Variants in EGLN1 observed in about 807,000 individuals in gnomAD.
EGLN1 encodes the protein egl-9 family hypoxia inducible factor 1.
A neutral mutation model predicts 38.3 loss-of-function variants in EGLN1; 17 were observed. That is an observed-to-expected ratio of 0.44 (90% CI 0.30 to 0.67). The LOEUF (loss-of-function observed/expected upper bound fraction) is 0.67, where lower values mean the gene tolerates loss of function less well. Among genes scored for constraint, EGLN1 ranks in the 30% least tolerant of loss-of-function variants. The pLI is 0.08. For missense variants in EGLN1, 477 were observed against 603.3 expected (o/e 0.79, Z 2.19); for synonymous variants, 283 against 257.5 (o/e 1.10, Z -0.95).
intron 1 of EGLN1, among the ~76,000 whole-genome samples, chr1:231,380,464 G>GTGTATA (rs145664309): frequency 8.6e-5 from 13 of 151,342 alleles, no homozygotes; most frequent in Admixed American, 2.0e-4. Context: ...TAAATGATAG[G>GTGTATA]TATATATATA....
Position 231,421,276 on chromosome 1 carries a change from G to A in EGLN1, c.613C>T (p.His205Tyr). The A allele has an allele frequency of 1.9e-6, 3 of 1,613,506 alleles. No homozygotes were observed. The highest frequency in any genetic ancestry group is 2.5e-6 in the Non-Finnish European group (3 of 1,179,984). ...LEYIVPCMNK[H>Y]GICVVDDFLG... is the part of the protein sequence containing the mutation. Reference sequence around the variant, plus strand: ...AAGTCGTCCACCACACAGATGCCGTGCTTGTTCATGCACGGCACGATGTAC... The same window carrying A: ...AAGTCGTCCACCACACAGATGCCGTACTTGTTCATGCACGGCACGATGTAC... Residue 205 changes from histidine (H) to tyrosine (Y), a missense_variant, in exon 1 of 5, where the codon CAC (histidine) becomes TAC (tyrosine). This residue lies in a region of EGLN1 where 119 missense variants were observed against 179.0 expected (regional missense o/e 0.66). Transcript: ENST00000366641. The surrounding 1 kb of genome is among the most constrained non-coding windows in gnomAD (Gnocchi z 5.5).
At chr1:231,413,894 C>A (rs1184906058) in intron 1 of EGLN1, among the ~76,000 whole-genome samples, 1 of 151,740 alleles carries the variant, frequency 6.6e-6, no homozygotes, top group African/African-American at 2.4e-5. Flanking sequence ...TTATGGGGAT[C>A]TCAAGTCAAC....
chr1:231,409,201 T>C (rs1276373562), intron 1 of EGLN1, among the ~76,000 whole-genome samples: 1 of 149,320 alleles, frequency 6.7e-6, no homozygotes, highest in African/African-American at 2.5e-5. Flanking sequence ...TCAATAGACT[T>C]AACTCCAACT....
chr1:231,384,661 C>T (rs1489152500), intron 1 of EGLN1, among the ~76,000 whole-genome samples: 1 of 152,054 alleles, frequency 6.6e-6, no homozygotes, highest in African/African-American at 2.4e-5. Context: ...GGGTTGGGGA[C>T]GCACATCATG....
chr1:231,395,028 T>G (rs1219424103), intron 1 of EGLN1, among the ~76,000 whole-genome samples: 1 of 152,176 alleles, frequency 6.6e-6, no homozygotes, highest in Non-Finnish European at 1.5e-5. Flanking sequence ...GAGTGGGGAA[T>G]AACGTTCTTC....
intron 1 of EGLN1, among the ~76,000 whole-genome samples, chr1:231,399,951 AAAG>A (rs1688623348): frequency 6.6e-6 from 1 of 152,206 alleles, no homozygotes; most frequent in Non-Finnish European, 1.5e-5. Flanking sequence ...CACATGTCAT[AAAG>A]AAGTTAACAA....
Position 231,422,140 on chromosome 1 carries a change from T to G in EGLN1, c.-252A>C. On this transcript the variant is annotated 5_prime_UTR_variant, in exon 1 of 5. Transcript: ENST00000366641. ...CGCCGAGGGCTGAGAGAATAGGGCC[T>G]GTGCGGCGAATGGCAACCTGGGCTC... The G allele has an allele frequency of 3.2e-6, 1 of 312,302 alleles. No homozygotes were observed. The allele number at this position is 312,302 out of a possible 1,614,324, so 19.3% of individuals were successfully genotyped here.
intron 1 of EGLN1, among the ~76,000 whole-genome samples, chr1:231,379,585 T>C (rs1172023436): frequency 1.3e-5 from 2 of 152,202 alleles, no homozygotes; most frequent in Non-Finnish European, 2.9e-5. Flanking sequence ...AAGCACGAGA[T>C]GGGAGCCAGC....
chr1:231,374,911 A>T (rs1269046987), intron 1 of EGLN1, among the ~76,000 whole-genome samples: 1 of 152,218 alleles, frequency 6.6e-6, no homozygotes, highest in East Asian at 1.9e-4. Flanking sequence ...GCTTAAAGGT[A>T]GAAAAGAGGC....
chr1:231,414,690 T>C (rs1190253532), intron 1 of EGLN1, among the ~76,000 whole-genome samples: 3 of 150,608 alleles, frequency 2.0e-5, no homozygotes, highest in Admixed American at 6.6e-5. Flanking sequence ...TTCTCAAAAA[T>C]GGCAGAGGCC....
chr1:231,391,799 T>TA (rs2102916430), intron 1 of EGLN1, among the ~76,000 whole-genome samples: 1 of 152,208 alleles, frequency 6.6e-6, no homozygotes, highest in African/African-American at 2.4e-5. Flanking sequence ...AAATACTAGA[T>TA]AAGATTTTGA....
chr1:231,378,458 G>C (rs1688008201), intron 1 of EGLN1, among the ~76,000 whole-genome samples: 3 of 151,896 alleles, frequency 2.0e-5, no homozygotes. Context: ...TATGATTAAG[G>C]ATGTTCTTTT....
intron 1 of EGLN1, among the ~76,000 whole-genome samples, chr1:231,397,773 A>G (rs1479194464): frequency 6.6e-6 from 1 of 152,238 alleles, no homozygotes; most frequent in Non-Finnish European, 1.5e-5. Flanking sequence ...GCACATAAGG[A>G]AAGTGTCCAC....
intron 1 of EGLN1, among the ~76,000 whole-genome samples, chr1:231,407,553 G>A (rs780345499): frequency 9.2e-5 from 14 of 152,134 alleles, no homozygotes; most frequent in Non-Finnish European, 1.5e-4. Flanking sequence ...TTATAAAAAG[G>A]GTATATAAAG....
chr1:231,391,918 G>A (rs1220474276), intron 1 of EGLN1, among the ~76,000 whole-genome samples: 1 of 152,060 alleles, frequency 6.6e-6, no homozygotes, highest in African/African-American at 2.4e-5. Flanking sequence ...TTCAAGTATG[G>A]TATAAGAAGT....
At position 231,421,359 on chromosome 1, in the gene EGLN1, C is replaced by T. The variant is rs1157366692; in HGVS notation, c.530G>A (p.Gly177Asp). ...CGTCTGCCCGTTGGGCCGCAGGCCG[C>T]CGCCGGGGCTCAGCGCATCCCCGGG... The part of the protein sequence containing the change: ...NTPGDALSPG[G>D]GLRPNGQTKP... Residue 177 changes from glycine to aspartate, a missense_variant, in exon 1 of 5, where the codon GGC (glycine) becomes GAC (aspartate). This residue lies in a region of EGLN1 where 298 missense variants were observed against 288.9 expected (regional missense o/e 1.03). Coordinates refer to ENST00000366641, the MANE Select transcript of EGLN1 (RefSeq NM_022051.3). This position sits in a 1 kb window ranked among gnomAD's most constrained non-coding sequence, Gnocchi z 5.5. 1 of 1,609,766 alleles carries T rather than the reference C, an allele frequency of 6.2e-7. No individual in the cohort carries two copies. Among genetic ancestry groups the T allele is most frequent in the Non-Finnish European group, 8.5e-7 (1 of 1,178,138 alleles).
chr1:231,398,008 T>C (rs934570099), intron 1 of EGLN1, among the ~76,000 whole-genome samples: 12 of 152,172 alleles, frequency 7.9e-5, no homozygotes, highest in African/African-American at 2.4e-4. Flanking sequence ...TGATAACACA[T>C]GCACCTAGTA....
chr1:231,374,106 T>C lies in EGLN1; in HGVS notation c.892-7A>G. On this transcript the variant is annotated splice_region_variant and splice_polypyrimidine_tract_variant and intron_variant, in intron 1 of 4. Coordinates refer to ENST00000366641, the MANE Select transcript of EGLN1 (RefSeq NM_022051.3). Reference sequence around the variant, plus strand: ...GATAACAAGCAACCATGGCCTGTAATAATGATAATAATGATTATTAAAGTC... The same window carrying C: ...GATAACAAGCAACCATGGCCTGTAACAATGATAATAATGATTATTAAAGTC... The C allele has an allele frequency of 6.2e-7, 1 of 1,611,272 alleles. No individual in the cohort carries two copies. The highest frequency in any genetic ancestry group is 8.5e-7 in the Non-Finnish European group (1 of 1,177,586).
rs371155853 is a variant in EGLN1 at position 231,366,484 on chromosome 1, TA to T, written c.1217-10del. 51,438 of 1,084,462 alleles carry T rather than the reference TA, an allele frequency of 0.047. No homozygotes were observed. The highest frequency in any genetic ancestry group is 0.077 in the Admixed American group (3,252 of 42,218). 67.2% of individuals were successfully genotyped at this position (1,084,462 alleles called of 1,614,324 possible). A position where few individuals can be genotyped will look rare whatever the true frequency, so the allele number is the denominator to read the frequency against. On this transcript the variant is annotated splice_polypyrimidine_tract_variant and intron_variant, in intron 4 of 4. Transcript: ENST00000366641. ...CCTCACACCTTTTTCACCTGCAAGGTAAAAAAAAAAAAAATTTTCATTCATT... is the reference window on the plus strand; with the variant it reads ...CCTCACACCTTTTTCACCTGCAAGGTAAAAAAAAAAAAATTTTCATTCATT...
Sources: allele counts gnomAD v4.1 joint callset (sites outside exome capture counted in the v4.1 genomes callset), GRCh38; gene constraint gnomAD v4.1.1; regional missense constraint gnomAD v4.1.1; non-coding constraint Gnocchi (gnomAD v3.1); transcripts MANE v1.5; gene names NCBI Gene and HGNC (gene_info 2026-07-23, HGNC 2026-07-21).